The following PRUNE2 variants were observed in gnomAD, a reference collection of about 807,000 sequenced individuals.
PRUNE2 encodes prune homolog 2 with BCH domain, also known as protein prune homolog 2.
Under a neutral mutation model 252.0 loss-of-function variants are expected in PRUNE2, and 164 were observed. That is an observed-to-expected ratio of 0.65 (90% CI 0.57 to 0.74). PRUNE2 has a LOEUF of 0.74. PRUNE2 is among the 30% of genes least tolerant of loss of function. PRUNE2 has a pLI of 0.00. For synonymous variants in PRUNE2, 1,292 were observed against 1,350.2 expected (o/e 0.96, Z 0.94); for missense variants, 3,495 against 3,711.0 (o/e 0.94, Z 1.51).
chr9:76,871,827 C>T (rs1208355126), intron 1 of PRUNE2, among the ~76,000 whole-genome samples: 2 of 152,094 alleles, frequency 1.3e-5, no homozygotes, highest in Non-Finnish European at 2.9e-5. Flanking sequence ...TGGGGTTTCA[C>T]CATGTTGCCC....
At chr9:76,678,633 TC>T (rs1382121952) in intron 9 of PRUNE2, among the ~76,000 whole-genome samples, 1 of 151,832 alleles carries the variant, frequency 6.6e-6, no homozygotes, top group African/African-American at 2.4e-5. Context: ...ATAGAGACCA[TC>T]CTGGCTAACA....
chr9:76,809,260 A>C (rs2057192923), intron 6 of PRUNE2, among the ~76,000 whole-genome samples: 1 of 152,252 alleles, frequency 6.6e-6, no homozygotes, highest in Non-Finnish European at 1.5e-5. Flanking sequence ...TAGGGAAGAC[A>C]GAAACCATTG....
chr9:76,656,222 G>A (rs561383015), intron 9 of PRUNE2, among the ~76,000 whole-genome samples: 16 of 152,048 alleles, frequency 1.1e-4, no homozygotes, highest in African/African-American at 3.1e-4. Context: ...CAATTGTGAC[G>A]AATCTATATG....
chr9:76,704,381 C>A (rs182779936), intron 8 of PRUNE2, among the ~76,000 whole-genome samples: 1 of 151,990 alleles, frequency 6.6e-6, no homozygotes, highest in African/African-American at 2.4e-5. Flanking sequence ...CCTGCCCCCA[C>A]GCCCAGCTAA....
intron 1 of PRUNE2, among the ~76,000 whole-genome samples, chr9:76,868,505 G>GTT (rs554463823): frequency 6.6e-6 from 1 of 152,238 alleles, no homozygotes; most frequent in African/African-American, 2.4e-5. Context: ...ACGGAAGTTA[G>GTT]TTAACAGCCA....
At chr9:76,639,872 C>G (rs1169888575) in intron 12 of PRUNE2, among the ~76,000 whole-genome samples, 1 of 152,158 alleles carries the variant, frequency 6.6e-6, no homozygotes, top group Non-Finnish European at 1.5e-5. Context: ...GGACACCATT[C>G]CCCATCTTTT....
chr9:76,727,982 C>T (rs1287990853), intron 6 of PRUNE2, among the ~76,000 whole-genome samples: 1 of 152,068 alleles, frequency 6.6e-6, no homozygotes, highest in Middle Eastern at 3.2e-3. Flanking sequence ...TACCAAGGTA[C>T]TGGGATTACA....
At chr9:76,733,565 AT>A (rs879823862) in intron 6 of PRUNE2, 171 of 146,006 alleles carry the variant, frequency 1.2e-3, no homozygotes, top group Middle Eastern at 3.6e-3. Context: ...CGCCTGGCTA[AT>A]TTTTTTTTTT....
At chr9:76,851,343 C>T (rs937635555) in intron 2 of PRUNE2, among the ~76,000 whole-genome samples, 10 of 152,204 alleles carry the variant, frequency 6.6e-5, no homozygotes, top group East Asian at 1.9e-4. Flanking sequence ...GTCAGGAGAT[C>T]GAGACCATCC....
intron 14 of PRUNE2, among the ~76,000 whole-genome samples, chr9:76,637,009 G>GTGTGTGTGTGTATA (rs1554779750): frequency 6.7e-6 from 1 of 150,288 alleles, no homozygotes; most frequent in African/African-American, 2.5e-5. Flanking sequence ...GTGTGTGTGT[G>GTGTGTGTGTGTATA]TATAATTTTA....
chr9:76,780,798 C>T (rs900950071), intron 6 of PRUNE2, among the ~76,000 whole-genome samples: 2 of 152,220 alleles, frequency 1.3e-5, no homozygotes, highest in Non-Finnish European at 2.9e-5. Context: ...AAGACAGCTA[C>T]TGAGAACCAA....
chr9:76,684,976 T>A (rs1188434403), intron 9 of PRUNE2, among the ~76,000 whole-genome samples: 2 of 152,288 alleles, frequency 1.3e-5, no homozygotes, highest in Admixed American at 1.3e-4. Flanking sequence ...GGTCTTGAAC[T>A]CCTGACCTCA....
intron 9 of PRUNE2, among the ~76,000 whole-genome samples, chr9:76,657,953 G>A (rs748446591): frequency 6.6e-6 from 1 of 152,160 alleles, no homozygotes; most frequent in Non-Finnish European, 1.5e-5. Context: ...ACCCTATGAA[G>A]AAGGCACAGA....
chr9:76,782,916 T>C (rs544498134), intron 6 of PRUNE2: 5 of 152,366 alleles, frequency 3.3e-5, no homozygotes, highest in African/African-American at 1.2e-4. Flanking sequence ...GCTAGCTGTG[T>C]ACCCTCTGCA....
At chr9:76,713,457 G>A (rs2046894923) in intron 7 of PRUNE2, 106 bp downstream of exon 7, 1 of 813,002 alleles carries the variant, frequency 1.2e-6, no homozygotes, top group South Asian at 3.6e-5. Context: ...CTACCTCTTG[G>A]GCTAATTGCT....
At chr9:76,815,526 T>A (rs557625342) in intron 6 of PRUNE2, among the ~76,000 whole-genome samples, 17 of 152,312 alleles carry the variant, frequency 1.1e-4, no homozygotes, top group African/African-American at 4.1e-4. Flanking sequence ...CATGCATTCA[T>A]GAGAGCAGAA....
chr9:76,860,391 T>C (rs1261083933), intron 1 of PRUNE2, among the ~76,000 whole-genome samples: 1 of 152,152 alleles, frequency 6.6e-6, no homozygotes, highest in East Asian at 1.9e-4. Context: ...ACAAGTACAG[T>C]TTCCATTTTT....
chr9:76,702,063 CT>C (rs533432061), intron 9 of PRUNE2, among the ~76,000 whole-genome samples: 335 of 141,830 alleles, frequency 2.4e-3, no homozygotes, highest in Middle Eastern at 0.022. Context: ...TCTTTTCTCG[CT>C]TTTTTTTTTT....
intron 6 of PRUNE2, among the ~76,000 whole-genome samples, chr9:76,732,268 C>G (rs2048688679): frequency 6.6e-6 from 1 of 152,162 alleles, no homozygotes. Context: ...GATAGTGCCA[C>G]TGCACTCCAG....
Sources: allele counts gnomAD v4.1 joint callset (sites outside exome capture counted in the v4.1 genomes callset), GRCh38; gene constraint gnomAD v4.1.1; transcripts MANE v1.5; gene names NCBI Gene and HGNC (gene_info 2026-07-23, HGNC 2026-07-21).